The following ZNF92 variants were observed in gnomAD, a reference collection of about 807,000 sequenced individuals.
ZNF92 encodes zinc finger protein 92.
A neutral mutation model predicts 12.4 loss-of-function variants in ZNF92; 11 were observed. That is an observed-to-expected ratio of 0.89 (90% CI 0.56 to 1.47). ZNF92 has a LOEUF of 1.47. ZNF92 is among the 40% of genes most tolerant of loss of function. ZNF92 has a pLI of 0.00. For missense variants in ZNF92, 622 were observed against 681.0 expected (o/e 0.91, Z 0.96); for synonymous variants, 206 against 228.6 (o/e 0.90, Z 0.89).
At chr7:65,377,767 A>C (rs1464064859) in intron 1 of ZNF92, among the ~76,000 whole-genome samples, 4 of 149,140 alleles carry the variant, frequency 2.7e-5, no homozygotes, top group Admixed American at 6.6e-5. Context: ...GGGTTTCACC[A>C]TGTTGGTCAG....
rs778945770 is a variant in ZNF92, at chr7:65,387,990, A to T, written c.92A>T (p.Asp31Val). ...LDTAQRNLYR[D>V]VMLENYRNLV... ...ACTGCGCAGCGGAATTTATATAGAG[A>T]TGTGATGTTAGAGAACTACAGAAAC... Residue 31 changes from aspartate to valine, a missense_variant, in exon 2 of 4, where the codon GAT (aspartate) becomes GTT (valine). Coordinates refer to ENST00000328747, the MANE Select transcript of ZNF92 (RefSeq NM_152626.4). 6.2e-7 allele frequency: 1 copy of T among 1,609,092 alleles called. No individual in the cohort carries two copies. The highest frequency in any genetic ancestry group is 8.5e-7 in the Non-Finnish European group (1 of 1,177,676).
intron 1 of ZNF92, among the ~76,000 whole-genome samples, chr7:65,376,549 C>T (rs748089302): frequency 2.0e-5 from 3 of 152,056 alleles, no homozygotes; most frequent in Non-Finnish European, 1.5e-5. Flanking sequence ...CAGGTTCAAG[C>T]GATTCTGCTG....
Position 65,398,402 on chromosome 7 carries a change from A to G in ZNF92, c.288A>G (p.Gln96=). Residue 96 remains glutamine (Q), a synonymous_variant, in exon 4 of 4, where the codon CAA becomes CAG. Transcript: ENST00000328747. ...WPEHSIKDSF[Q]KVILRTYGKY... ...AGCACAGCATAAAAGATTCTTTCCA[A>G]AAAGTGATACTGAGAACATATGGAA... 1 of 1,606,828 alleles carries G rather than the reference A, an allele frequency of 6.2e-7. No homozygotes were observed. Among genetic ancestry groups the G allele is most frequent in the Non-Finnish European group, 8.5e-7 (1 of 1,177,914 alleles).
chr7:65,393,842 T>G (rs151208202), intron 3 of ZNF92, among the ~76,000 whole-genome samples: 96 of 151,934 alleles, frequency 6.3e-4, no homozygotes, highest in Admixed American at 1.6e-3. Flanking sequence ...TATTGAACTT[T>G]ATATGATACT....
In ZNF92 at chr7:65,399,038, G is replaced by A; in HGVS notation, c.924G>A (p.Met308Ile). 6.2e-7 allele frequency: 1 copy of A among 1,608,824 alleles called. No individual in the cohort carries two copies. The highest frequency in any genetic ancestry group is 8.5e-7 in the Non-Finnish European group (1 of 1,178,316). Residue 308 changes from methionine (M) to isoleucine (I), a missense_variant, in exon 4 of 4, where the codon ATG becomes ATA. Transcript: ENST00000328747. ...TTAATAAACATAAGAGAATTCATAT[G>A]GAAGATAAACCCTACAAATGTGAAG... ...SILNKHKRIH[M>I]EDKPYKCEEC...
At chr7:65,376,115 G>A (rs1339800016) in intron 1 of ZNF92, among the ~76,000 whole-genome samples, 1 of 151,824 alleles carries the variant, frequency 6.6e-6, no homozygotes, top group Non-Finnish European at 1.5e-5. Flanking sequence ...GTTTCACTCT[G>A]TTGCCCAGGC....
chr7:65,396,220 T>C (rs938379392), intron 3 of ZNF92, among the ~76,000 whole-genome samples: 2 of 152,156 alleles, frequency 1.3e-5, no homozygotes, highest in African/African-American at 2.4e-5. Flanking sequence ...ATATTTAAAA[T>C]GATTTTTTAA....
At position 65,399,633 on chromosome 7, in the gene ZNF92, A is replaced by G; in HGVS notation, c.1519A>G (p.Lys507Glu). 1 of 1,613,792 alleles carries G rather than the reference A, an allele frequency of 6.2e-7. No homozygotes were observed. The highest frequency in any genetic ancestry group is 8.5e-7 in the Non-Finnish European group (1 of 1,179,782). The change falls in exon 4 of 4, where the codon AAA becomes GAA. Residue 507 changes from lysine (K) to glutamate (E), a missense_variant. Lys to Glu is a moderately conservative substitution (Grantham distance 56). Transcript: ENST00000328747. Reference sequence around the variant, plus strand: ...ACATAAGATAATTCACACTGAAGGGAAATCCTACAAATGTGAAAAATGTGG... The same window carrying G: ...ACATAAGATAATTCACACTGAAGGGGAATCCTACAAATGTGAAAAATGTGG... ...TKHKIIHTEG[K>E]SYKCEKCGNA...
At chr7:65,383,420 T>C (rs1215194968) in intron 1 of ZNF92, among the ~76,000 whole-genome samples, 1 of 152,132 alleles carries the variant, frequency 6.6e-6, no homozygotes, top group Admixed American at 6.5e-5. Flanking sequence ...GAGCAGACTT[T>C]GGATTGAAAA....
Position 65,373,923 on chromosome 7 carries a change from G to T in ZNF92, c.-75G>T. The T allele has an allele frequency of 1.2e-6, 2 of 1,603,924 alleles. No individual in the cohort carries two copies. Among genetic ancestry groups the T allele is most frequent in the Admixed American group, 1.7e-5 (1 of 59,992 alleles). On this transcript the variant is annotated 5_prime_UTR_variant, in exon 1 of 4. Transcript: ENST00000328747. ...CTGCGTCCTGTGCTGATAAAGGCTC[G>T]CCGCTGTGACCCTGTTACCTGCAAG...
chr7:65,390,173 AT>A, intron 3 of ZNF92, among the ~76,000 whole-genome samples: 1 of 152,218 alleles, frequency 6.6e-6, no homozygotes, highest in African/African-American at 2.4e-5. Context: ...CTGATTTATT[AT>A]TAGTTTAGAC....
chr7:65,374,938 A>G (rs1416284684), intron 1 of ZNF92, among the ~76,000 whole-genome samples: 1 of 151,978 alleles, frequency 6.6e-6, no homozygotes, highest in Non-Finnish European at 1.5e-5. Context: ...GACATTCCCA[A>G]ATGCCAACTT....
At chr7:65,379,664 T>C (rs1323631144) in intron 1 of ZNF92, among the ~76,000 whole-genome samples, 1 of 152,114 alleles carries the variant, frequency 6.6e-6, no homozygotes, top group Non-Finnish European at 1.5e-5. Context: ...CAAAATTGTC[T>C]ACAAGTCTCC....
intron 3 of ZNF92, among the ~76,000 whole-genome samples, chr7:65,393,911 T>G (rs1793786890): frequency 1.3e-5 from 2 of 152,102 alleles, no homozygotes; most frequent in Non-Finnish European, 2.9e-5. Context: ...GTTCTTCATA[T>G]CTTCATTTCT....
rs144323134 is a variant in ZNF92 at position 65,398,247 on chromosome 7, T to A, written c.227-94T>A. ...GCATTTTGCTATGCCATCTTGCTTA[T>A]GTTGTAGTTTGTACAATTTTATAGG... is the stretch of plus-strand genomic sequence containing the variant. On this transcript the variant is annotated intron_variant, in intron 3 of 3. Coordinates refer to ENST00000328747, the MANE Select transcript of ZNF92 (RefSeq NM_152626.4). 2.0e-4 allele frequency: 211 copies of A among 1,055,092 alleles called. 2 individuals are homozygous for A. The African/African-American group carries it at 2.9e-3, about 15-fold the overall frequency. 65.4% of individuals were successfully genotyped at this position (1,055,092 alleles called of 1,614,324 possible).
chr7:65,375,528 A>G (rs944635071), intron 1 of ZNF92, among the ~76,000 whole-genome samples: 2 of 152,044 alleles, frequency 1.3e-5, no homozygotes, highest in African/African-American at 2.4e-5. Flanking sequence ...TGGTCAGCCA[A>G]TCAGATGCTG....
At position 65,400,562 on chromosome 7, in the gene ZNF92, A is replaced by G. The variant is rs551550214; in HGVS notation, c.*687A>G. ...AGAAATCATAAGGCATAAGGCACTGATACTTCAGACATTACACTAAATTAG... is the reference window on the plus strand; with the variant it reads ...AGAAATCATAAGGCATAAGGCACTGGTACTTCAGACATTACACTAAATTAG... On this transcript the variant is annotated 3_prime_UTR_variant, in exon 4 of 4. Coordinates refer to ENST00000328747, the MANE Select transcript of ZNF92 (RefSeq NM_152626.4). 1 of 152,178 alleles carries G rather than the reference A, an allele frequency of 6.6e-6. No individual in the cohort carries two copies. Among genetic ancestry groups the G allele is most frequent in the East Asian group, 1.9e-4 (1 of 5,188 alleles). 9.4% of individuals were successfully genotyped at this position (152,178 alleles called of 1,614,324 possible). A position where few individuals can be genotyped will look rare whatever the true frequency, so the allele number is the denominator to read the frequency against.
intron 1 of ZNF92, among the ~76,000 whole-genome samples, chr7:65,385,159 G>T (rs1793528812): frequency 6.6e-6 from 1 of 152,068 alleles, no homozygotes; most frequent in African/African-American, 2.4e-5. Context: ...CATCTATAGA[G>T]GACTTGTTTA....
Position 65,387,973 on chromosome 7 carries a change from G to A in ZNF92, c.75G>A (p.Gln25=), listed in dbSNP as rs942851339. 2 of 1,608,646 alleles carry A rather than the reference G, an allele frequency of 1.2e-6. No homozygotes were observed. The highest frequency in any genetic ancestry group is 2.7e-5 in the African/African-American group (2 of 74,596). ...LEEWQCLDTA[Q]RNLYRDVMLE... is the part of the protein sequence containing the mutation. ...AATGGCAATGCCTGGACACTGCGCA[G>A]CGGAATTTATATAGAGATGTGATGT... The change falls in exon 2 of 4, where the codon CAG becomes CAA. Residue 25 remains glutamine (Q), a synonymous_variant. Coordinates refer to ENST00000328747, the MANE Select transcript of ZNF92 (RefSeq NM_152626.4).
Sources: gnomAD v4.1 joint callset for allele counts (sites outside exome capture counted in the v4.1 genomes callset) on GRCh38, gnomAD v4.1.1 for gene constraint, MANE v1.5 for transcripts, NCBI Gene and HGNC (gene_info 2026-07-23, HGNC 2026-07-21) for gene names.